Variants in CCDC125 observed in about 807,000 individuals in gnomAD.
The protein encoded by CCDC125 is coiled-coil domain-containing protein 125.
CCDC125 carries 43 observed loss-of-function variants against 57.4 expected under a neutral mutation model. That is an observed-to-expected ratio of 0.75 (90% CI 0.59 to 0.97). CCDC125 has a LOEUF of 0.97. Among genes scored for constraint, CCDC125 ranks in the 50% least tolerant of loss-of-function variants. The probability of loss-of-function intolerance (pLI) is 0.00; values close to 1 mark genes in which losing one functional copy is unlikely to be tolerated. For synonymous variants in CCDC125, 187 were observed against 195.2 expected (o/e 0.96, Z 0.35); for missense variants, 563 against 595.7 (o/e 0.95, Z 0.57).
chr5:69,319,625 G>A (rs1759697668), intron 2 of CCDC125, among the ~76,000 whole-genome samples: 2 of 151,676 alleles, frequency 1.3e-5, no homozygotes, highest in South Asian at 4.2e-4. Flanking sequence ...GGGACTACAG[G>A]AACCTGCTAC....
chr5:69,311,468 T>C (rs1255754180), intron 3 of CCDC125, among the ~76,000 whole-genome samples: 3 of 152,056 alleles, frequency 2.0e-5, no homozygotes, highest in Non-Finnish European at 4.4e-5. Flanking sequence ...CTGGCTAACA[T>C]GGTGAAACCC....
intron 8 of CCDC125, among the ~76,000 whole-genome samples, chr5:69,298,177 A>G (rs1041144631): frequency 3.3e-5 from 5 of 151,696 alleles, no homozygotes; most frequent in East Asian, 3.9e-4. Context: ...CACTACGCCC[A>G]GCTAATTTTT....
chr5:69,280,321 A>C lies in CCDC125; in HGVS notation c.*2408T>G, dbSNP rs1005718538. ...CTGTCCTCAAACTGATCCTTTGCACATGATAATAATAAAAAACACACCTCT... is the reference window on the plus strand; with the variant it reads ...CTGTCCTCAAACTGATCCTTTGCACCTGATAATAATAAAAAACACACCTCT... On this transcript the variant is annotated 3_prime_UTR_variant, in exon 12 of 12. Transcript: ENST00000396496. 1 of 152,252 alleles carries C rather than the reference A, an allele frequency of 6.6e-6. No homozygotes were observed. The highest frequency in any genetic ancestry group is 1.5e-5 in the Non-Finnish European group (1 of 68,048). The allele number at this position is 152,252 out of a possible 1,614,324, so 9.4% of individuals were successfully genotyped here. A position where few individuals can be genotyped will look rare whatever the true frequency, so the allele number is the denominator to read the frequency against.
the CCDC125 span, among the ~76,000 whole-genome samples, chr5:69,273,879 A>C: frequency 6.6e-6 from 1 of 152,198 alleles, no homozygotes; most frequent in South Asian, 2.1e-4. Flanking sequence ...GTGAATATAT[A>C]TGGAGATGGA....
chr5:69,318,941 T>C (rs1231162306), intron 2 of CCDC125, among the ~76,000 whole-genome samples: 1 of 151,484 alleles, frequency 6.6e-6, no homozygotes, highest in Non-Finnish European at 1.5e-5. Context: ...TTGGTTTTTT[T>C]TCTTTTTTTT....
chr5:69,331,202 C>G (rs1431679352), intron 1 of CCDC125, among the ~76,000 whole-genome samples: 2 of 151,574 alleles, frequency 1.3e-5, no homozygotes, highest in African/African-American at 2.4e-5. Context: ...ACTTGGGAGG[C>G]TAAGCAGGAG....
At chr5:69,323,029 T>C (rs1009561751) in intron 1 of CCDC125, among the ~76,000 whole-genome samples, 7 of 150,464 alleles carry the variant, frequency 4.7e-5, no homozygotes, top group Non-Finnish European at 1.0e-4. Flanking sequence ...TTGTTCGGCC[T>C]GGCGCGGTGG....
chr5:69,283,841 GTGCAGT>G (rs1292327863), intron 11 of CCDC125, among the ~76,000 whole-genome samples: 1 of 149,452 alleles, frequency 6.7e-6, no homozygotes, highest in Non-Finnish European at 1.5e-5. Flanking sequence ...CCAGGTTGGA[GTGCAGT>G]TGCATGATCT....
intron 8 of CCDC125, among the ~76,000 whole-genome samples, chr5:69,296,325 G>A (rs958553339): frequency 2.0e-5 from 3 of 152,130 alleles, no homozygotes; most frequent in African/African-American, 4.8e-5. Context: ...GCCAAGGCAG[G>A]TGGATGATCT....
intron 4 of CCDC125, 190 bp from the exon 5 acceptor site, chr5:69,308,218 A>G (rs1757639258): frequency 5.0e-6 from 3 of 594,598 alleles, no homozygotes; most frequent in Non-Finnish European, 8.9e-6. Flanking sequence ...CTCTTTTCCA[A>G]TGAATGTGGG....
chr5:69,298,223 C>T (rs1004084778), intron 8 of CCDC125, among the ~76,000 whole-genome samples: 4 of 151,898 alleles, frequency 2.6e-5, no homozygotes, highest in Non-Finnish European at 5.9e-5. Context: ...ATCATGTTGG[C>T]CAGGATGGTC....
intron 11 of CCDC125, among the ~76,000 whole-genome samples, chr5:69,284,829 C>T (rs945639670): frequency 1.3e-4 from 20 of 152,110 alleles, no homozygotes; most frequent in Non-Finnish European, 2.9e-4. Context: ...TGGTGGGTCA[C>T]GCCTGTAATC....
chr5:69,317,824 C>T (rs937141068), intron 2 of CCDC125, among the ~76,000 whole-genome samples: 1 of 152,204 alleles, frequency 6.6e-6, no homozygotes, highest in East Asian at 1.9e-4. Context: ...TAACCAGAAG[C>T]ATCTCTGTTC....
At chr5:69,316,257 G>T (rs1759081950) in intron 2 of CCDC125, among the ~76,000 whole-genome samples, 1 of 152,202 alleles carries the variant, frequency 6.6e-6, no homozygotes, top group South Asian at 2.1e-4. Context: ...ATGGCAAAAG[G>T]AACTTTGCAG....
At chr5:69,310,848 G>A (rs1351719680) in intron 4 of CCDC125, 1 of 193,824 alleles carries the variant, frequency 5.2e-6, no homozygotes, top group African/African-American at 2.4e-5. Context: ...GACTGCTGAT[G>A]GGCACCAAGT....
intron 2 of CCDC125, among the ~76,000 whole-genome samples, chr5:69,319,546 A>G (rs1759683971): frequency 6.9e-6 from 1 of 144,180 alleles, no homozygotes; most frequent in African/African-American, 2.6e-5. Context: ...CAGTGGTGCC[A>G]TTTTGGCTCA....
chr5:69,311,234 AT>A, intron 3 of CCDC125, 30 bp from the exon 4 acceptor site: 1 of 1,361,662 alleles, frequency 7.3e-7, no homozygotes, highest in Non-Finnish European at 1.0e-6. Context: ...TAGTCTTCCT[AT>A]CTGCAAGATA....
At position 69,318,934 on chromosome 5, in the gene CCDC125, GT is replaced by G. The variant is rs200938644; in HGVS notation, c.304+1302del. 9.5e-3 allele frequency among the ~76,000 whole-genome samples: 1,430 copies of G among 149,786 alleles called. 28 individuals are homozygous for G. The highest frequency in any genetic ancestry group is 0.033 in the African/African-American group (1,335 of 40,770). On this transcript the variant is annotated intron_variant, in intron 2 of 11. Transcript: ENST00000396496. ...ACATCTGTTGATTTGCAGGGTTTTG[GT>G]TTTTTTTCTTTTTTTTTTTTTGAGA...
chr5:69,307,437 C>G (rs1026982789), intron 5 of CCDC125, among the ~76,000 whole-genome samples: 4 of 151,942 alleles, frequency 2.6e-5, no homozygotes, highest in African/African-American at 9.7e-5. Flanking sequence ...AATCCCAGCA[C>G]TTTGGGAGGC....
Sources: allele counts gnomAD v4.1 joint callset (sites outside exome capture counted in the v4.1 genomes callset), GRCh38; gene constraint gnomAD v4.1.1; transcripts MANE v1.5; gene names NCBI Gene and HGNC (gene_info 2026-07-23, HGNC 2026-07-21).